The following TOP2A variants were observed in gnomAD, a reference collection of about 807,000 sequenced individuals.
TOP2A encodes the protein DNA topoisomerase 2-alpha.
Under a neutral mutation model 187.2 loss-of-function variants are expected in TOP2A, and 68 were observed. The observed-to-expected ratio is 0.36, with a 90% CI of 0.30 to 0.44. TOP2A has a LOEUF of 0.44. TOP2A is among the 20% of genes least tolerant of loss of function. TOP2A has a pLI of 1.00. For synonymous variants in TOP2A, 542 were observed against 593.2 expected, an observed-to-expected ratio of 0.91 and a Z score of 1.25; for missense variants, 1,196 against 1,808.7, an observed-to-expected ratio of 0.66 and a Z score of 6.14.
At position 40,392,316 on chromosome 17, in the gene TOP2A, C is replaced by T. The variant is rs1238833964; in HGVS notation, c.3990G>A (p.Leu1330=). The T allele has an allele frequency of 6.3e-7, 1 of 1,596,584 alleles. No individual in the cohort carries two copies. The highest frequency in any genetic ancestry group is 2.2e-5 in the East Asian group (1 of 44,598). ...AATCTGAGAAATCTTCATCTGAATC[C>T]AAATCCATTGTGAATTTTGTTTTTG... ...AATKTKFTMD[L]DSDEDFSDFD... The change falls in exon 31 of 35, where the codon TTG becomes TTA. Residue 1330 remains leucine (L), a synonymous_variant. Transcript: ENST00000423485.
At position 40,411,103 on chromosome 17, in the gene TOP2A, A is replaced by G; in HGVS notation, c.1203+6T>C. The G allele has an allele frequency of 6.3e-7, 1 of 1,599,814 alleles. No individual in the cohort carries two copies. Among genetic ancestry groups the G allele is most frequent in the Non-Finnish European group, 8.5e-7 (1 of 1,175,234 alleles). On this transcript the variant is annotated splice_donor_region_variant and intron_variant, in intron 10 of 34. Transcript: ENST00000423485. This position sits in a 1 kb window ranked among gnomAD's most constrained non-coding sequence, Gnocchi z 4.4. ...TTTCTATTTTTATTTTCCTCTAAGTACTCACAGCTTTGATAAATTTTTCAC... is the reference window on the plus strand; with the variant it reads ...TTTCTATTTTTATTTTCCTCTAAGTGCTCACAGCTTTGATAAATTTTTCAC...
chr17:40,396,205 CA>C, intron 28 of TOP2A, 77 bp downstream of exon 28: 2 of 745,530 alleles, frequency 2.7e-6, no homozygotes, highest in Non-Finnish European at 4.4e-6. Flanking sequence ...GGTCTTGAAC[CA>C]CTGACCTCAA....
chr17:40,396,345 T>G lies in TOP2A; in HGVS notation c.3658A>C (p.Ile1220Leu). 1 of 1,613,862 alleles carries G rather than the reference T, an allele frequency of 6.2e-7. No homozygotes were observed. The highest frequency in any genetic ancestry group is 8.5e-7 in the Non-Finnish European group (1 of 1,179,766). The stretch of plus-strand genomic sequence containing the variant: ...TTCATTTCTATGGTTATTCGTGGAA[T>G]GACTCTTTGACCACGCGGAGAAGGC... ...VLPSPRGQRVIPRITIEMKAE... is the reference protein window; with the variant it reads ...VLPSPRGQRVLPRITIEMKAE... The change falls in exon 28 of 35, where the codon ATT becomes CTT. Residue 1220 changes from isoleucine (I) to leucine (L), a missense_variant. By Grantham distance (5) the Ile-to-Leu change is conservative. This residue lies in a region of TOP2A where 374 missense variants were observed against 403.3 expected (regional missense o/e 0.93). Transcript: ENST00000423485.
In TOP2A at chr17:40,416,581, T is replaced by G. The variant is rs192455028; in HGVS notation, c.178-69A>C. On this transcript the variant is annotated intron_variant, in intron 2 of 34. Transcript: ENST00000423485. ...CATTGTTCTGTTATCATGATTACCA[T>G]AAAGTGTTCATATTAAGTATTACCA... The G allele has an allele frequency of 1.7e-4, 243 of 1,443,274 alleles. No individual in the cohort carries two copies. The African/African-American group carries it at 3.2e-3, about 19-fold the overall frequency. 89.4% of individuals were successfully genotyped at this position (1,443,274 alleles called of 1,614,324 possible). A position where few individuals can be genotyped will look rare whatever the true frequency, so the allele number is the denominator to read the frequency against.
At chr17:40,389,939 A>G (rs762094630) in intron 34 of TOP2A, 26 bp downstream of exon 34, 1 of 1,594,896 alleles carries the variant, frequency 6.3e-7, no homozygotes, top group South Asian at 1.1e-5. Flanking sequence ...TCTACAGCAA[A>G]AGGACTGACT....
chr17:40,398,781 T>G lies in TOP2A; in HGVS notation c.3445A>C (p.Asn1149His), dbSNP rs1567783763. 1 of 1,608,682 alleles carries G rather than the reference T, an allele frequency of 6.2e-7. No homozygotes were observed. The highest frequency in any genetic ancestry group is 8.5e-7 in the Non-Finnish European group (1 of 1,178,534). The change falls in exon 26 of 35, where the codon AAT (asparagine) becomes CAT (histidine). Residue 1149 changes from asparagine (N) to histidine (H), a missense_variant. This residue lies in a region of TOP2A where 22 missense variants were observed against 21.1 expected (regional missense o/e 1.04). Transcript: ENST00000423485. ...EKKDELCRLR[N>H]EKEQELDTLK... ...TCCTACTATCAACTCACTTTTTCAT[T>G]TCTTAGCCTGCAGAGTTCATCTTTC...
At position 40,404,418 on chromosome 17, in the gene TOP2A, G is replaced by C; in HGVS notation, c.2120C>G (p.Ser707Ter). 1 of 1,611,990 alleles carries C rather than the reference G, an allele frequency of 6.2e-7. No homozygotes were observed. Among genetic ancestry groups the C allele is most frequent in the South Asian group, 1.1e-5 (1 of 90,824 alleles). ...DFINKELILF[S>*]NSDNERSIPS... is the part of the protein sequence containing the mutation. ...GATAGATCTCTCGTTATCAGAATTT[G>C]AGAACAAGATAAGTTCCTTGTTGAT... The change falls in exon 18 of 35, where the codon TCA becomes TGA. Residue 707 changes from serine (S) to a stop codon, truncating the protein, a stop_gained. Coordinates refer to ENST00000423485, the MANE Select transcript of TOP2A (RefSeq NM_001067.4). LOFTEE classifies it high-confidence loss of function.
rs761356625 is a variant in TOP2A, at chr17:40,391,573, T to C, written c.4200A>G (p.Pro1400=). 5.0e-6 allele frequency: 8 copies of C among 1,613,060 alleles called. No individual in the cohort carries two copies. The highest frequency in any genetic ancestry group is 5.9e-6 in the Non-Finnish European group (7 of 1,179,442). Residue 1400 remains proline, a synonymous_variant, in exon 33 of 35, where the codon CCA becomes CCG. Transcript: ENST00000423485. ...CTGGGTTTGTAATTTCAGTTTCATC[T>C]GGGAAATGTGTAGCAGGAGGGCTTG... ...LSSSPPATHF[P]DETEITNPVP...
Position 40,404,144 on chromosome 17 carries a change from G to T in TOP2A, c.2283+8C>A. 1 of 1,612,628 alleles carries T rather than the reference G, an allele frequency of 6.2e-7. No individual in the cohort carries two copies. The highest frequency in any genetic ancestry group is 1.3e-5 in the African/African-American group (1 of 74,986). On this transcript the variant is annotated splice_region_variant and intron_variant, in intron 19 of 34. Coordinates refer to ENST00000423485, the MANE Select transcript of TOP2A (RefSeq NM_001067.4). ...AATGCTTTCTGGAAACATGGATTGT[G>T]TGTTTACCTCACCATGATGATAAGA... is the stretch of plus-strand genomic sequence containing the variant.
intron 33 of TOP2A, among the ~76,000 whole-genome samples, chr17:40,390,497 A>G (rs1438229039): frequency 6.6e-6 from 1 of 150,896 alleles, no homozygotes; most frequent in Non-Finnish European, 1.5e-5. Context: ...ACCTAGTCAC[A>G]GCCACTCTTA....
chr17:40,406,224 T>A (rs2035242892), intron 16 of TOP2A, among the ~76,000 whole-genome samples, 160 bp downstream of exon 16: 1 of 152,188 alleles, frequency 6.6e-6, no homozygotes. Context: ...TTCTAAAATA[T>A]CTGATTCCTT....
chr17:40,390,678 A>C (rs981064779), intron 33 of TOP2A, among the ~76,000 whole-genome samples: 2 of 140,618 alleles, frequency 1.4e-5, no homozygotes, highest in African/African-American at 5.4e-5. Context: ...CCCAGGCTGG[A>C]GTGCAGTGGC....
At chr17:40,417,631 G>A (rs1598622085) in intron 1 of TOP2A, 140 bp downstream of exon 1, 1 of 1,522,198 alleles carries the variant, frequency 6.6e-7, no homozygotes, top group East Asian at 2.4e-5. Context: ...CGATCACCCC[G>A]GAACCGGGAA....
chr17:40,394,419 G>A (rs926186773), intron 29 of TOP2A, among the ~76,000 whole-genome samples: 2 of 152,148 alleles, frequency 1.3e-5, no homozygotes, highest in African/African-American at 4.8e-5. Context: ...TGCAACCTCT[G>A]CCTCCTGGGT....
chr17:40,408,749 G>T, intron 10 of TOP2A, 119 bp from the exon 11 acceptor site: 1 of 1,127,976 alleles, frequency 8.9e-7, no homozygotes, highest in Non-Finnish European at 1.3e-6. Context: ...AAAAGATGTA[G>T]AACAATAATT....
In TOP2A at chr17:40,417,844, AC is replaced by A; in HGVS notation, c.-54del. 6.2e-7 allele frequency: 1 copy of A among 1,607,342 alleles called. No homozygotes were observed. Among genetic ancestry groups the A allele is most frequent in the Non-Finnish European group, 8.5e-7 (1 of 1,176,940 alleles). On this transcript the variant is annotated 5_prime_UTR_variant, in exon 1 of 35. Transcript: ENST00000423485. ...CCCTGAAAGCGACTAAACAGGCAGG[AC>A]CCCACGAGACCACCCCCGACCAAGC...
At chr17:40,389,716 G>GT in intron 34 of TOP2A, 69 bp from the exon 35 acceptor site, 4 of 1,532,956 alleles carry the variant, frequency 2.6e-6, no homozygotes, top group Non-Finnish European at 3.5e-6. Context: ...GTAAAAAAAT[G>GT]TATCAAGACA....
intron 34 of TOP2A, 140 bp from the exon 35 acceptor site, chr17:40,389,787 C>T: frequency 7.9e-7 from 1 of 1,267,846 alleles, no homozygotes; most frequent in Non-Finnish European, 1.1e-6. Flanking sequence ...AAGGCCAACT[C>T]TTCCATTGCC....
rs1161316261 is a variant in TOP2A at position 40,412,881 on chromosome 17, A to C, written c.667T>G (p.Leu223Val). 1.2e-6 allele frequency: 2 copies of C among 1,613,812 alleles called. No homozygotes were observed. Among genetic ancestry groups the C allele is most frequent in the South Asian group, 2.2e-5 (2 of 91,084 alleles). The change falls in exon 7 of 35, where the codon TTG becomes GTG. Residue 223 changes from leucine to valine, a missense_variant. Leu to Val is a conservative substitution (Grantham distance 32, BLOSUM62 1). This residue lies in a region of TOP2A where 252 missense variants were observed against 434.8 expected (regional missense o/e 0.58). Coordinates refer to ENST00000423485, the MANE Select transcript of TOP2A (RefSeq NM_001067.4). Reference sequence around the variant, plus strand: ...AGGCTTTGCATTTTAAACTTAGACAAATCAGGCTGAAAGGTGATACATGTA... The same window carrying C: ...AGGCTTTGCATTTTAAACTTAGACACATCAGGCTGAAAGGTGATACATGTA... ...DYTCITFQPD[L>V]SKFKMQSLDK... is the part of the protein sequence containing the mutation.
Sources: gnomAD v4.1 joint callset for allele counts (sites outside exome capture counted in the v4.1 genomes callset) on GRCh38, gnomAD v4.1.1 for gene constraint, gnomAD v4.1.1 regional missense constraint, Gnocchi (gnomAD v3.1) non-coding constraint, MANE v1.5 for transcripts, NCBI Gene and HGNC (gene_info 2026-07-23, HGNC 2026-07-21) for gene names.